ACOT11: variants seen among roughly 807,000 people sequenced by gnomAD.
The protein encoded by ACOT11 is acyl-coenzyme A thioesterase 11.
Under a neutral mutation model 77.5 loss-of-function variants are expected in ACOT11, and 69 were observed. That is an observed-to-expected ratio of 0.89 (90% confidence interval 0.73 to 1.09). ACOT11 has a LOEUF of 1.09. Among genes scored for constraint, ACOT11 ranks in the 50% least tolerant of loss-of-function variants. The pLI is 0.00. For missense variants in ACOT11, 766 were observed against 813.7 expected, an observed-to-expected ratio of 0.94 and a Z score of 0.71; for synonymous variants, 279 against 313.0, an observed-to-expected ratio of 0.89 and a Z score of 1.15.
chr1:54,633,787 G>A (rs945537899), intron 16 of ACOT11, among the ~76,000 whole-genome samples: 3 of 152,228 alleles, frequency 2.0e-5, no homozygotes, highest in African/African-American at 7.2e-5. Context: ...GGAGTAATCT[G>A]TTTTCTATCC....
chr1:54,624,625 C>T (rs1158427016), intron 15 of ACOT11, among the ~76,000 whole-genome samples: 1 of 152,028 alleles, frequency 6.6e-6, no homozygotes, highest in Admixed American at 6.6e-5. Flanking sequence ...GGAAAGGGGA[C>T]AGCAGAGGGC....
chr1:54,564,190 T>C (rs1054464889), intron 1 of ACOT11, among the ~76,000 whole-genome samples: 2 of 151,012 alleles, frequency 1.3e-5, no homozygotes, highest in African/African-American at 4.9e-5. Flanking sequence ...CAGTGAGCCA[T>C]GATGGCGCCA....
At chr1:54,614,981 G>T, downstream of ACOT11, 1 of 972,098 alleles carries the variant, frequency 1.0e-6, no homozygotes, top group Non-Finnish European at 1.5e-6. Flanking sequence ...GGAGTCAGGG[G>T]AGGGCGGAAG....
chr1:54,628,491 A>G (rs1287801563), intron 15 of ACOT11: 1 of 130,868 alleles, frequency 7.6e-6, no homozygotes, highest in African/African-American at 2.6e-5. Flanking sequence ...AAAAAAATAA[A>G]TTAGCGAGAC....
chr1:54,604,189 T>C (rs566167793), intron 11 of ACOT11, among the ~76,000 whole-genome samples, 157 bp from the exon 12 acceptor site: 1 of 152,122 alleles, frequency 6.6e-6, no homozygotes, highest in South Asian at 2.1e-4. Flanking sequence ...ACCTCCCTTC[T>C]CAACGCCCAG....
At chr1:54,635,466 A>G (rs191578831) in exon 17 of ACOT11, 171 of 229,574 alleles carry the variant, frequency 7.4e-4, no homozygotes, top group African/African-American at 4.0e-3. Flanking sequence ...TGCTCTTAAT[A>G]AGATCAAAAT....
chr1:54,552,488 G>T (rs968942091), intron 1 of ACOT11, among the ~76,000 whole-genome samples: 4 of 151,856 alleles, frequency 2.6e-5, no homozygotes, highest in East Asian at 1.9e-4. Flanking sequence ...TGTTTTTTTT[G>T]TTTGTTTGTT....
chr1:54,581,341 A>T (rs998054851), intron 1 of ACOT11, among the ~76,000 whole-genome samples: 6 of 152,254 alleles, frequency 3.9e-5, no homozygotes, highest in Non-Finnish European at 8.8e-5. Flanking sequence ...CTGTGGGCCC[A>T]GTAGCCTGTG....
rs527527065 is a variant in ACOT11, at chr1:54,554,596, A to G, written c.33+6254A>G. Among the ~76,000 whole-genome samples, 6 of 151,604 alleles carry G rather than the reference A, an allele frequency of 4.0e-5. No homozygotes were observed. The East Asian group carries it at 5.8e-4, about 15-fold the overall frequency. On this transcript the variant is annotated intron_variant, in intron 1 of 15. Coordinates refer to ENST00000343744, the MANE Select transcript of ACOT11 (RefSeq NM_147161.4). Reference sequence around the variant, plus strand: ...GGTCTTGAACTCCTGGCCTCAAACTATCCTCTCCCCTTGGCTGTTGGGATT... The same window carrying G: ...GGTCTTGAACTCCTGGCCTCAAACTGTCCTCTCCCCTTGGCTGTTGGGATT...
At chr1:54,586,056 T>C (rs1354941728) in intron 3 of ACOT11, 152 bp downstream of exon 3, 2 of 512,200 alleles carry the variant, frequency 3.9e-6, no homozygotes, top group Non-Finnish European at 6.3e-6. Flanking sequence ...TGGGGAAGTG[T>C]GAACCCCTCT....
rs1186260012 is a variant in ACOT11, at chr1:54,628,830, C to T, written c.1630-1904C>T. Among the ~76,000 whole-genome samples the T allele has an allele frequency of 1.4e-4, 19 of 132,230 alleles. 5 individuals carry two copies. Among genetic ancestry groups the T allele is most frequent in the African/African-American group, 2.3e-4 (9 of 39,016 alleles). 86.7% of individuals were successfully genotyped at this position (132,230 alleles called of 152,430 possible). A position where few individuals can be genotyped will look rare whatever the true frequency, so the allele number is the denominator to read the frequency against. On this transcript the variant is annotated intron_variant, in intron 15 of 16. Transcript: ENST00000371316. ...ATCCCAACACTTTGGGAGGCTAAGG[C>T]GGGCGGATCACTCAAGATCAGGCAT...
exon 17 of ACOT11, chr1:54,637,019 T>G (rs1355982875): frequency 2.6e-5 from 4 of 154,242 alleles, no homozygotes; most frequent in African/African-American, 9.6e-5. Flanking sequence ...TTTTTCTTAA[T>G]ACAGAACAAA....
intron 1 of ACOT11, among the ~76,000 whole-genome samples, chr1:54,572,754 C>G (rs546463634): frequency 3.3e-4 from 51 of 152,308 alleles, no homozygotes; most frequent in African/African-American, 1.2e-3. Context: ...GAAGAACAGG[C>G]AGATTTGCTC....
chr1:54,595,431 G>A (rs76654986), intron 6 of ACOT11, among the ~76,000 whole-genome samples: 4,722 of 152,014 alleles, frequency 0.031, 259 homozygotes, highest in African/African-American at 0.11. Context: ...GTATATATGC[G>A]TACACTCACA....
intron 6 of ACOT11, among the ~76,000 whole-genome samples, chr1:54,595,244 G>A (rs1654857949): frequency 6.6e-6 from 1 of 152,044 alleles, no homozygotes. Context: ...TACTCTGGGG[G>A]CTGAAGCAGG....
downstream of ACOT11, chr1:54,614,912 A>C (rs368210300): frequency 9.5e-6 from 15 of 1,577,392 alleles, no homozygotes; most frequent in African/African-American, 4.0e-5. Context: ...CTAGGAATAC[A>C]TGACTCCCTG....
chr1:54,616,869 C>T lies in ACOT11; in HGVS notation c.1629+8801C>T, dbSNP rs538417202. On this transcript the variant is annotated intron_variant, in intron 15 of 16. Transcript: ENST00000371316. ...TTGATCATCCCCCATCCCTGAGATG[C>T]TTTGGTAAGTTTCTGATTTTTGCTA... 1.4e-4 allele frequency among the ~76,000 whole-genome samples: 21 copies of T among 152,228 alleles called. No homozygotes were observed. In the South Asian group the frequency reaches 4.4e-3, roughly 32 times the overall value.
chr1:54,614,962 G>GTGCA, downstream of ACOT11: 12 of 1,164,686 alleles, frequency 1.0e-5, no homozygotes, highest in Admixed American at 2.2e-5. Context: ...GTGCATGTGC[G>GTGCA]TGCACAGTGG....
intron 4 of ACOT11, among the ~76,000 whole-genome samples, chr1:54,592,901 G>C (rs568112099): frequency 1.3e-5 from 2 of 152,192 alleles, no homozygotes; most frequent in African/African-American, 2.4e-5. Flanking sequence ...CTCACATCCA[G>C]CCTCAGCAGC....
Sources: gnomAD v4.1 joint callset for allele counts (sites outside exome capture counted in the v4.1 genomes callset) on GRCh38, gnomAD v4.1.1 for gene constraint, MANE v1.5 for transcripts, NCBI Gene and HGNC (gene_info 2026-07-23, HGNC 2026-07-21) for gene names.